The following CHLSN variants were observed in gnomAD, a reference collection of about 807,000 sequenced individuals.
CHLSN encodes the protein cholesin, also known as protein cholesin.
the CHLSN span, among the ~76,000 whole-genome samples, chr7:1,114,980 C>A: frequency 5.9e-5 from 9 of 152,238 alleles, no homozygotes; most frequent in African/African-American, 1.9e-4. Context: ...CTGTGTTAAA[C>A]CCCTTCCTGT....
chr7:995,991 T>C, the CHLSN span, among the ~76,000 whole-genome samples: 14 of 152,172 alleles, frequency 9.2e-5, no homozygotes, highest in African/African-American at 3.1e-4. Flanking sequence ...CGGCCCCGAG[T>C]CTCGATGTCC....
the CHLSN span, among the ~76,000 whole-genome samples, chr7:996,174 C>A: frequency 6.2e-4 from 94 of 152,344 alleles, no homozygotes; most frequent in African/African-American, 2.2e-3. Flanking sequence ...GGAGGCCCAG[C>A]CAGGCCAGCA....
the CHLSN span, among the ~76,000 whole-genome samples, chr7:1,011,885 G>T: frequency 6.6e-6 from 1 of 152,156 alleles, no homozygotes; most frequent in Non-Finnish European, 1.5e-5. Context: ...CGGTGGGAAG[G>T]CCTGGGCCGC....
At chr7:992,497 T>C in the CHLSN span, among the ~76,000 whole-genome samples, 1 of 152,166 alleles carries the variant, frequency 6.6e-6, no homozygotes, top group Non-Finnish European at 1.5e-5. Context: ...GGAACCCAAG[T>C]GACCCAAGGG....
At chr7:1,071,550 AGGAGAGGGAGGAAAGG>A in the CHLSN span, among the ~76,000 whole-genome samples, 38,603 of 150,958 alleles carry the variant, frequency 0.26, 5,529 homozygotes, top group African/African-American at 0.28. Flanking sequence ...AAAAGCAGGC[AGGAGAGGGAGGAAAGG>A]GGAGAGGGAG....
the CHLSN span, among the ~76,000 whole-genome samples, chr7:1,111,975 C>T: frequency 6.6e-6 from 1 of 152,174 alleles, no homozygotes. Flanking sequence ...CTGGTTTCTT[C>T]CATAAATTTC....
the CHLSN span, among the ~76,000 whole-genome samples, chr7:998,170 G>A: frequency 9.2e-5 from 14 of 152,174 alleles, no homozygotes; most frequent in African/African-American, 2.4e-4. Context: ...CACTTGGCAC[G>A]CTCGCCTTTC....
chr7:1,088,168 C>T, the CHLSN span: 1 of 152,302 alleles, frequency 6.6e-6, no homozygotes, highest in African/African-American at 2.4e-5. The surrounding 1 kb of genome is among the most constrained non-coding windows in gnomAD (Gnocchi z 4.5). Flanking sequence ...CCCTCGCGGG[C>T]TCCCAGGGCG....
the CHLSN span, among the ~76,000 whole-genome samples, chr7:1,001,473 C>T: frequency 8.8e-6 from 1 of 113,370 alleles, no homozygotes; most frequent in African/African-American, 3.5e-5. Context: ...GTGGGGAGTC[C>T]TGTGGGTGAG....
chr7:1,087,976 G>C, the CHLSN span: 5 of 152,290 alleles, frequency 3.3e-5, no homozygotes, highest in Non-Finnish European at 7.3e-5. Context: ...GATTGCCAAA[G>C]TGTGGGAGAA....
chr7:1,076,886 T>G, the CHLSN span, among the ~76,000 whole-genome samples: 1 of 152,220 alleles, frequency 6.6e-6, no homozygotes, highest in Non-Finnish European at 1.5e-5. Context: ...TGGGTGACGC[T>G]CCTGGCACAG....
the CHLSN span, among the ~76,000 whole-genome samples, chr7:1,007,892 G>C: frequency 9.9e-5 from 15 of 152,230 alleles, no homozygotes; most frequent in African/African-American, 3.6e-4. Context: ...TCATGGGAGG[G>C]GAGTCAGGGC....
At chr7:1,058,011 T>G in the CHLSN span, 1 of 770,066 alleles carries the variant, frequency 1.3e-6, no homozygotes, top group Non-Finnish European at 2.4e-6. Context: ...GCTGCTCTTC[T>G]ACATCTGCAG....
the CHLSN span, among the ~76,000 whole-genome samples, chr7:1,052,063 T>C: frequency 2.9e-3 from 439 of 152,330 alleles, 1 homozygote; most frequent in African/African-American, 9.8e-3. This position sits in a 1 kb window ranked among gnomAD's most constrained non-coding sequence, Gnocchi z 4.2. Context: ...AATAAAACGA[T>C]TGAAACTGGG....
chr7:1,092,347 T>A, the CHLSN span: 1 of 1,611,448 alleles, frequency 6.2e-7, no homozygotes, highest in Non-Finnish European at 8.5e-7. Flanking sequence ...GGCCTGCTTC[T>A]GTTTCGCGGA....
chr7:1,117,817 T>A, the CHLSN span, among the ~76,000 whole-genome samples: 8 of 152,368 alleles, frequency 5.3e-5, no homozygotes, highest in Admixed American at 2.6e-4. Context: ...CCGACCAGCT[T>A]CCATCACCCA....
At chr7:980,112 G>C in the CHLSN span, among the ~76,000 whole-genome samples, 2 of 152,238 alleles carry the variant, frequency 1.3e-5, no homozygotes, top group Non-Finnish European at 2.9e-5. Flanking sequence ...GGGAGAATCT[G>C]TGCGGCCATC....
the CHLSN span, chr7:1,028,456 C>T: frequency 4.1e-6 from 4 of 985,476 alleles, no homozygotes; most frequent in East Asian, 1.1e-4. Flanking sequence ...TGGACCTCGG[C>T]GCGGGGGTGG....
At chr7:981,456 A>C in the CHLSN span, among the ~76,000 whole-genome samples, 1 of 151,630 alleles carries the variant, frequency 6.6e-6, no homozygotes, top group Non-Finnish European at 1.5e-5. Context: ...AAACTTACAA[A>C]ATTCCCAGCA....
Sources: gnomAD v4.1 joint callset for allele counts (sites outside exome capture counted in the v4.1 genomes callset) on GRCh38, gnomAD v4.1.1 for gene constraint, Gnocchi (gnomAD v3.1) non-coding constraint, MANE v1.5 for transcripts, NCBI Gene and HGNC (gene_info 2026-07-23, HGNC 2026-07-21) for gene names.